The following SLC22A2 variants were observed in gnomAD, a reference collection of about 807,000 sequenced individuals.
SLC22A2 encodes the protein solute carrier family 22 member 2, also known as organic cation transporter 2.
A neutral mutation model predicts 60.5 loss-of-function variants in SLC22A2; 46 were observed. The observed-to-expected ratio is 0.76, with a 90% CI of 0.60 to 0.97. SLC22A2 has a LOEUF of 0.97. Among genes scored for constraint, SLC22A2 ranks in the 50% least tolerant of loss-of-function variants. The probability of loss-of-function intolerance (pLI) is 0.00; values close to 1 mark genes in which losing one functional copy is unlikely to be tolerated. For synonymous variants in SLC22A2, 303 were observed against 267.0 expected (o/e 1.13, Z -1.31); for missense variants, 701 against 706.6 (o/e 0.99, Z 0.09).
chr6:160,225,424 A>G (rs1782708009), intron 9 of SLC22A2, among the ~76,000 whole-genome samples: 1 of 152,192 alleles, frequency 6.6e-6, no homozygotes, highest in South Asian at 2.1e-4. Flanking sequence ...CAATAATAGA[A>G]TACAGAAAAT....
rs567144180 is a variant in SLC22A2, at chr6:160,230,312, C to T, written c.1502-5508G>A. ...TTAAAAAGGTGGCTGGAGCTAAAGG[C>T]GTAGTCAAGGTTAATGTTCCTTTTT... is the stretch of plus-strand genomic sequence containing the variant. On this transcript the variant is annotated intron_variant, in intron 9 of 10. Transcript: ENST00000366953. Among the ~76,000 whole-genome samples, 17 of 151,996 alleles carry T rather than the reference C, an allele frequency of 1.1e-4. No homozygotes were observed. The South Asian group carries it at 2.1e-3, about 19-fold the overall frequency.
chr6:160,218,407 A>G (rs1288644387), intron 10 of SLC22A2: 6 of 369,984 alleles, frequency 1.6e-5, no homozygotes, highest in African/African-American at 1.3e-4. Flanking sequence ...TAGTAGCAAC[A>G]GCAGCAACAA....
intron 9 of SLC22A2, among the ~76,000 whole-genome samples, chr6:160,233,864 C>T (rs1339542021): frequency 6.6e-6 from 1 of 151,752 alleles, no homozygotes; most frequent in East Asian, 1.9e-4. Context: ...TTTTCACCAC[C>T]CCAAAACTTT....
At chr6:160,253,884 G>T (rs945981771) in intron 2 of SLC22A2, among the ~76,000 whole-genome samples, 6 of 152,164 alleles carry the variant, frequency 3.9e-5, no homozygotes, top group Non-Finnish European at 8.8e-5. Flanking sequence ...GTGAACCACA[G>T]TGGGTATATT....
At chr6:160,239,154 T>C (rs1462324563) in intron 9 of SLC22A2, among the ~76,000 whole-genome samples, 2 of 152,174 alleles carry the variant, frequency 1.3e-5, no homozygotes, top group Non-Finnish European at 2.9e-5. Flanking sequence ...TGCATTAGCA[T>C]GTTAAAAGAC....
intron 9 of SLC22A2, among the ~76,000 whole-genome samples, chr6:160,230,162 C>T (rs1163590746): frequency 6.6e-6 from 1 of 151,772 alleles, no homozygotes; most frequent in African/African-American, 2.4e-5. Context: ...AGCTAGGTCC[C>T]AATTCTTCCT....
chr6:160,243,443 T>C, intron 7 of SLC22A2, 129 bp downstream of exon 7: 2 of 745,566 alleles, frequency 2.7e-6, no homozygotes, highest in East Asian at 2.6e-5. Flanking sequence ...GGGTCCCAGA[T>C]ACTGCCCTCC....
chr6:160,224,859 A>T, intron 9 of SLC22A2, 55 bp from the exon 10 acceptor site: 1 of 1,030,348 alleles, frequency 9.7e-7, no homozygotes. Context: ...CAAGGTCTAT[A>T]ATTAGAGTTT....
chr6:160,245,411 G>A (rs1450437685), intron 6 of SLC22A2, 28 bp downstream of exon 6: 1 of 1,227,136 alleles, frequency 8.1e-7, no homozygotes, highest in Non-Finnish European at 1.2e-6. Context: ...CAATTTGGAG[G>A]CATTTCAAAG....
intron 2 of SLC22A2, among the ~76,000 whole-genome samples, chr6:160,253,053 G>C (rs879629889): frequency 7.2e-5 from 11 of 152,166 alleles, no homozygotes; most frequent in Non-Finnish European, 1.6e-4. Flanking sequence ...CCAAAATTGG[G>C]GCTTAGCCTG....
intron 9 of SLC22A2, among the ~76,000 whole-genome samples, chr6:160,235,607 A>C (rs1782898286): frequency 6.7e-6 from 1 of 149,986 alleles, no homozygotes; most frequent in Non-Finnish European, 1.5e-5. Flanking sequence ...CTGTGTGTGA[A>C]TATATTGGCT....
chr6:160,220,513 G>C (rs945817843), intron 10 of SLC22A2, among the ~76,000 whole-genome samples: 1 of 152,146 alleles, frequency 6.6e-6, no homozygotes, highest in African/African-American at 2.4e-5. Flanking sequence ...AATGTTCTTA[G>C]TGGCATCTAC....
Position 160,249,287 on chromosome 6 carries a change from G to T in SLC22A2, c.771C>A (p.Tyr257Ter). 1 of 1,613,148 alleles carries T rather than the reference G, an allele frequency of 6.2e-7. No individual in the cohort carries two copies. Among genetic ancestry groups the T allele is most frequent in the Non-Finnish European group, 8.5e-7 (1 of 1,179,212 alleles). Residue 257 changes from tyrosine (Y) to a stop codon, truncating the protein, a stop_gained, in exon 4 of 11, where the codon TAC (tyrosine) becomes TAA (stop). Transcript: ENST00000366953. LOFTEE classifies it high-confidence loss of function. Reference protein sequence around the residue: ...VGLLVLAGVAYALPHWRWLQF... With the variant: ...VGLLVLAGVA ...GCAACCACCTCCAGTGAGGAAGTGC[G>T]TAAGCCACCCCAGCTAGCACCAGGA...
At chr6:160,242,483 G>T in intron 7 of SLC22A2, 81 bp from the exon 8 acceptor site, 1 of 828,028 alleles carries the variant, frequency 1.2e-6, no homozygotes, top group Non-Finnish European at 2.1e-6. Flanking sequence ...GGACTGTAAG[G>T]ACAAATTCCC....
chr6:160,224,872 C>T (rs987908766), intron 9 of SLC22A2, 68 bp from the exon 10 acceptor site: 3 of 932,360 alleles, frequency 3.2e-6, no homozygotes, highest in Non-Finnish European at 4.6e-6. Context: ...TAGAGTTTCC[C>T]TTATTTTTGT....
intron 9 of SLC22A2, among the ~76,000 whole-genome samples, chr6:160,225,085 A>G (rs899636736): frequency 7.2e-5 from 11 of 152,170 alleles, no homozygotes; most frequent in African/African-American, 2.7e-4. Context: ...GATACTTTGG[A>G]GTTAGAAAAT....
intron 9 of SLC22A2, among the ~76,000 whole-genome samples, chr6:160,232,717 G>A (rs549724798): frequency 1.3e-5 from 2 of 151,752 alleles, no homozygotes; most frequent in African/African-American, 2.4e-5. Context: ...CCATCAAAAG[G>A]CATCAGATCC....
At chr6:160,240,604 A>G (rs934093797) in intron 9 of SLC22A2, among the ~76,000 whole-genome samples, 4 of 152,204 alleles carry the variant, frequency 2.6e-5, no homozygotes, top group African/African-American at 9.6e-5. Context: ...AGGGTGTTGC[A>G]TGACTCAACC....
chr6:160,258,598 G>A lies in SLC22A2; in HGVS notation c.160C>T (p.Pro54Ser), dbSNP rs8177504. Residue 54 changes from proline to serine, a missense_variant, in exon 1 of 11, where the codon CCC becomes TCC. Physicochemically the swap from Pro to Ser is moderately conservative, Grantham distance 74. Coordinates refer to ENST00000366953, the MANE Select transcript of SLC22A2 (RefSeq NM_003058.4). Reference sequence around the variant, plus strand: ...CGCAGACTCAGCTCGGCCACTCCGGGGCTCCGGCAGCGGTGGTCAGGGGTG... The same window carrying A: ...CGCAGACTCAGCTCGGCCACTCCGGAGCTCCGGCAGCGGTGGTCAGGGGTG... Reference protein sequence around the residue: ...GFTPDHRCRSPGVAELSLRCG... With the variant: ...GFTPDHRCRSSGVAELSLRCG... The A allele has an allele frequency of 8.1e-6, 13 of 1,613,870 alleles. No homozygotes were observed. In the African/African-American group the frequency reaches 1.2e-4, roughly 15 times the overall value.
Sources: allele counts gnomAD v4.1 joint callset (sites outside exome capture counted in the v4.1 genomes callset), GRCh38; gene constraint gnomAD v4.1.1; transcripts MANE v1.5; gene names NCBI Gene and HGNC (gene_info 2026-07-23, HGNC 2026-07-21).